KCNH8: variants seen among roughly 807,000 people sequenced by gnomAD.
The protein encoded by KCNH8 is potassium voltage-gated channel subfamily H member 8.
A neutral mutation model predicts 103.6 loss-of-function variants in KCNH8; 70 were observed. The ratio of observed to expected loss-of-function variants is 0.68; its 90% CI spans 0.56 to 0.82. The LOEUF (loss-of-function observed/expected upper bound fraction) is 0.82. KCNH8 is among the 40% of genes least tolerant of loss of function. The probability of loss-of-function intolerance (pLI) is 0.00; values close to 1 mark genes in which losing one functional copy is unlikely to be tolerated. For missense variants in KCNH8, 1,217 were observed against 1,329.9 expected, an observed-to-expected ratio of 0.92 and a Z score of 1.32; for synonymous variants, 498 against 489.4, an observed-to-expected ratio of 1.02 and a Z score of -0.23.
At chr3:19,358,549 A>G (rs1355270069) in intron 5 of KCNH8, among the ~76,000 whole-genome samples, 3 of 152,030 alleles carry the variant, frequency 2.0e-5, no homozygotes, top group Non-Finnish European at 4.4e-5. Flanking sequence ...TTGACAAATT[A>G]GATTAACCAT....
At chr3:19,251,367 G>C (rs928490706) in intron 1 of KCNH8, among the ~76,000 whole-genome samples, 1 of 152,136 alleles carries the variant, frequency 6.6e-6, no homozygotes, top group African/African-American at 2.4e-5. Context: ...GAGTTTCTCG[G>C]TGTGTGTCTC....
chr3:19,521,803 C>G (rs1034306263), intron 15 of KCNH8, among the ~76,000 whole-genome samples: 3 of 151,872 alleles, frequency 2.0e-5, no homozygotes, highest in Non-Finnish European at 4.4e-5. Flanking sequence ...AACATTTATT[C>G]TGTAAGACTT....
At chr3:19,508,921 A>ATATC (rs1288092721) in intron 11 of KCNH8, among the ~76,000 whole-genome samples, 4 of 152,222 alleles carry the variant, frequency 2.6e-5, no homozygotes, top group Non-Finnish European at 5.9e-5. Flanking sequence ...TCTTTCTCTT[A>ATATC]TATCTCTAAC....
chr3:19,530,848 G>A (rs562433385), intron 15 of KCNH8, among the ~76,000 whole-genome samples: 1 of 152,268 alleles, frequency 6.6e-6, no homozygotes, highest in Non-Finnish European at 1.5e-5. Context: ...ATTCTAGACT[G>A]AAGACTGTCA....
At chr3:19,429,001 C>A (rs1325317660) in intron 7 of KCNH8, among the ~76,000 whole-genome samples, 1 of 152,044 alleles carries the variant, frequency 6.6e-6, no homozygotes, top group Non-Finnish European at 1.5e-5. Context: ...AACGTCATTG[C>A]CCTGTGTTTA....
intron 5 of KCNH8, among the ~76,000 whole-genome samples, chr3:19,382,563 A>T (rs527695258): frequency 6.6e-6 from 1 of 152,222 alleles, no homozygotes; most frequent in African/African-American, 2.4e-5. Context: ...TCTGTAAAGT[A>T]ACAATGAAAA....
At chr3:19,227,382 C>A (rs969140697) in intron 1 of KCNH8, among the ~76,000 whole-genome samples, 3 of 152,204 alleles carry the variant, frequency 2.0e-5, no homozygotes, top group African/African-American at 7.2e-5. Context: ...ATACATGACA[C>A]TTTTCTCTAT....
intron 3 of KCNH8, among the ~76,000 whole-genome samples, chr3:19,330,103 G>A (rs190147370): frequency 3.7e-4 from 56 of 151,982 alleles, no homozygotes; most frequent in African/African-American, 1.3e-3. Flanking sequence ...GTCTCCCGCA[G>A]CATCCATTAC....
intron 1 of KCNH8, among the ~76,000 whole-genome samples, chr3:19,192,574 G>C (rs921415148): frequency 1.3e-5 from 2 of 151,514 alleles, no homozygotes; most frequent in Admixed American, 6.6e-5. Context: ...GTGCTCTTTT[G>C]TATTTACTTT....
At chr3:19,371,233 A>G (rs370291193) in intron 5 of KCNH8, among the ~76,000 whole-genome samples, 1 of 147,958 alleles carries the variant, frequency 6.8e-6, no homozygotes, top group Non-Finnish European at 1.5e-5. Flanking sequence ...CCAACAGTGT[A>G]AAAGTGTTCC....
chr3:19,386,038 A>T (rs2066351600), intron 5 of KCNH8, among the ~76,000 whole-genome samples: 1 of 152,166 alleles, frequency 6.6e-6, no homozygotes, highest in Non-Finnish European at 1.5e-5. Context: ...AAAGAAATCT[A>T]CTAATTTTTG....
At chr3:19,274,007 G>A (rs2064627196) in intron 2 of KCNH8, among the ~76,000 whole-genome samples, 1 of 152,068 alleles carries the variant, frequency 6.6e-6, no homozygotes, top group Non-Finnish European at 1.5e-5. Flanking sequence ...TTTAGAGCAT[G>A]TATATAATCG....
At chr3:19,375,945 A>T (rs1295919418) in intron 5 of KCNH8, among the ~76,000 whole-genome samples, 5 of 152,202 alleles carry the variant, frequency 3.3e-5, no homozygotes, top group African/African-American at 7.2e-5. Context: ...TTGAGGAGGC[A>T]GTCTGCCCGT....
intron 1 of KCNH8, among the ~76,000 whole-genome samples, chr3:19,237,346 G>A (rs1473102845): frequency 6.6e-6 from 1 of 152,184 alleles, no homozygotes; most frequent in East Asian, 1.9e-4. Flanking sequence ...CTTGGTGAAC[G>A]AATGCAGGCT....
intron 5 of KCNH8, among the ~76,000 whole-genome samples, chr3:19,361,611 T>C (rs1298109556): frequency 6.6e-6 from 1 of 152,182 alleles, no homozygotes; most frequent in Non-Finnish European, 1.5e-5. Context: ...ATTACTATTA[T>C]TTGGTATAGC....
At position 19,477,653 on chromosome 3, in the gene KCNH8, AAG is replaced by A. The variant is rs2068004921; in HGVS notation, c.2040+20674_2040+20675del. On this transcript the variant is annotated intron_variant, in intron 11 of 15. Transcript: ENST00000328405. ...GGAAGCAACAAACAAGGAATCCAGAAAGAGTTTCAGTGAGAGAATTAAGAGAG... is the reference window on the plus strand; with the variant it reads ...GGAAGCAACAAACAAGGAATCCAGAAAGTTTCAGTGAGAGAATTAAGAGAG... 1.3e-5 allele frequency among the ~76,000 whole-genome samples: 2 copies of A among 152,172 alleles called. 1 individual carries two copies. The highest frequency in any genetic ancestry group is 3.8e-4 in the East Asian group (2 of 5,196).
intron 11 of KCNH8, among the ~76,000 whole-genome samples, chr3:19,501,798 G>C (rs1475207902): frequency 6.6e-6 from 1 of 152,044 alleles, no homozygotes; most frequent in Non-Finnish European, 1.5e-5. Flanking sequence ...AGCTATCTAT[G>C]ACAAACCCAC....
chr3:19,268,034 C>T (rs544330180), intron 2 of KCNH8, among the ~76,000 whole-genome samples: 2 of 152,218 alleles, frequency 1.3e-5, no homozygotes, highest in East Asian at 3.9e-4. Flanking sequence ...ATTCATCTTA[C>T]AATAATTTAG....
At chr3:19,445,838 T>C (rs2067355000) in intron 8 of KCNH8, among the ~76,000 whole-genome samples, 1 of 151,980 alleles carries the variant, frequency 6.6e-6, no homozygotes, top group African/African-American at 2.4e-5. Flanking sequence ...CAGAGGCACA[T>C]TGCAGTTCCA....
Sources: allele counts gnomAD v4.1 joint callset (sites outside exome capture counted in the v4.1 genomes callset), GRCh38; gene constraint gnomAD v4.1.1; transcripts MANE v1.5; gene names NCBI Gene and HGNC (gene_info 2026-07-23, HGNC 2026-07-21).